The following AEBP2 variants were observed in gnomAD, a reference collection of about 807,000 sequenced individuals.
AEBP2 encodes AE binding protein 2.
A neutral mutation model predicts 50.8 loss-of-function variants in AEBP2; 10 were observed. That is an observed-to-expected ratio of 0.20 (90% CI 0.12 to 0.33). The LOEUF is 0.33. Among genes scored for constraint, AEBP2 ranks in the 10% least tolerant of loss-of-function variants. AEBP2 has a pLI of 1.00. For missense variants in AEBP2, 570 were observed against 688.0 expected, an observed-to-expected ratio of 0.83 and a Z score of 1.92; for synonymous variants, 296 against 261.3, an observed-to-expected ratio of 1.13 and a Z score of -1.28.
chr12:19,427,073 C>G (rs1312663327), intron 1 of AEBP2, among the ~76,000 whole-genome samples: 1 of 152,000 alleles, frequency 6.6e-6, no homozygotes, highest in Non-Finnish European at 1.5e-5. Context: ...ACTGAGGATT[C>G]GATAGAATAA....
chr12:19,421,450 G>A (rs147671839), intron 1 of AEBP2, among the ~76,000 whole-genome samples: 2,043 of 151,616 alleles, frequency 0.013, 37 homozygotes, highest in African/African-American at 0.047. Flanking sequence ...CCTGGAGTTC[G>A]AGACCAGTCT....
chr12:19,507,558 A>G (rs1018947088), intron 5 of AEBP2, among the ~76,000 whole-genome samples: 3 of 152,246 alleles, frequency 2.0e-5, no homozygotes. Context: ...TTGTAAGCTT[A>G]AAAACCTAGG....
chr12:19,457,443 C>T (rs146978218), intron 1 of AEBP2: 23 of 1,521,958 alleles, frequency 1.5e-5, no homozygotes, highest in Middle Eastern at 2.3e-4. Flanking sequence ...GGTGATACCA[C>T]GTTCACGCTC....
At chr12:19,446,145 A>G (rs1479470187) in intron 1 of AEBP2, 1 of 152,306 alleles carries the variant, frequency 6.6e-6, no homozygotes, top group East Asian at 1.9e-4. Context: ...TGCGATGAAT[A>G]GTTTGTATTT....
chr12:19,454,859 G>A (rs920856111), intron 1 of AEBP2, among the ~76,000 whole-genome samples: 1 of 152,172 alleles, frequency 6.6e-6, no homozygotes, highest in Non-Finnish European at 1.5e-5. Context: ...GAAGACTGCC[G>A]ATAAGGCTTG....
At chr12:19,418,188 C>T (rs2095743650) in intron 1 of AEBP2, among the ~76,000 whole-genome samples, 1 of 152,044 alleles carries the variant, frequency 6.6e-6, no homozygotes, top group African/African-American at 2.4e-5. Flanking sequence ...AACCCCTTAT[C>T]GTAACTGAGA....
intron 5 of AEBP2, among the ~76,000 whole-genome samples, chr12:19,510,810 TTTTG>T (rs1220808459): frequency 6.6e-6 from 1 of 151,620 alleles, no homozygotes; most frequent in African/African-American, 2.4e-5. Flanking sequence ...ATGTTACAGT[TTTTG>T]TTCTCAATTT....
rs866847105 is a variant in AEBP2 at position 19,509,827 on chromosome 12, T to C, written c.1300-2571T>C. ...TAGTAACATGGCTACTTTCTTTTTT[T>C]TTTTTTTTTTTTTTTTTTTGAGATG... On this transcript the variant is annotated intron_variant, in intron 5 of 7. Coordinates refer to ENST00000266508, the MANE Select transcript of AEBP2 (RefSeq NM_153207.5). 1.6e-3 allele frequency among the ~76,000 whole-genome samples: 214 copies of C among 134,008 alleles called. 1 individual carries two copies. The highest frequency in any genetic ancestry group is 5.0e-3 in the African/African-American group (171 of 34,452). 87.9% of individuals were successfully genotyped at this position (134,008 alleles called of 152,430 possible). A position where few individuals can be genotyped will look rare whatever the true frequency, so the allele number is the denominator to read the frequency against.
Position 19,501,776 on chromosome 12 carries a change from G to A in AEBP2, c.1299+1555G>A, listed in dbSNP as rs116418222. Among the ~76,000 whole-genome samples, 734 of 136,000 alleles carry A rather than the reference G, an allele frequency of 5.4e-3. 6 individuals carry two copies. Among genetic ancestry groups the A allele is most frequent in the African/African-American group, 0.019 (708 of 37,494 alleles). 89.2% of individuals were successfully genotyped at this position (136,000 alleles called of 152,430 possible). On this transcript the variant is annotated intron_variant, in intron 5 of 7. Transcript: ENST00000266508. ...TTTGGTTTGAACCTCTATTTCCGTC[G>A]TCTCCTATAAAAATGAGTTTGTTTT...
intron 5 of AEBP2, among the ~76,000 whole-genome samples, chr12:19,505,011 G>C (rs868818048): frequency 2.6e-5 from 4 of 152,290 alleles, no homozygotes; most frequent in South Asian, 2.1e-4. Context: ...TTGAGGAAAG[G>C]TGTCCTTATT....
At chr12:19,482,583 AGTT>A (rs1019749972) in intron 3 of AEBP2, among the ~76,000 whole-genome samples, 5 of 152,262 alleles carry the variant, frequency 3.3e-5, no homozygotes, top group African/African-American at 1.2e-4. Flanking sequence ...TTGCAGTAGT[AGTT>A]AAGTAGGGAG....
chr12:19,411,810 A>G (rs574427185), intron 1 of AEBP2, among the ~76,000 whole-genome samples: 4 of 152,358 alleles, frequency 2.6e-5, no homozygotes, highest in Admixed American at 1.3e-4. Flanking sequence ...AACACTTGAC[A>G]TAGATTGACT....
chr12:19,428,541 G>A (rs1373743386), intron 1 of AEBP2, among the ~76,000 whole-genome samples: 3 of 152,234 alleles, frequency 2.0e-5, no homozygotes, highest in Non-Finnish European at 4.4e-5. Flanking sequence ...GCTGGGTGCG[G>A]TGGCTCACGC....
intron 3 of AEBP2, among the ~76,000 whole-genome samples, chr12:19,480,123 C>CA (rs1283000039): frequency 6.6e-6 from 1 of 151,556 alleles, no homozygotes; most frequent in Non-Finnish European, 1.5e-5. Flanking sequence ...TTGTTTTTGT[C>CA]ATGGAGTCTC....
At chr12:19,446,727 G>A (rs1261742043) in intron 1 of AEBP2, among the ~76,000 whole-genome samples, 5 of 67,996 alleles carry the variant, frequency 7.4e-5, no homozygotes, top group South Asian at 4.7e-4. Context: ...GCGAGACTCC[G>A]TTTCCAAAAA....
At chr12:19,473,221 T>C (rs1158466909) in intron 2 of AEBP2, 27 bp from the exon 3 acceptor site, 1 of 1,192,684 alleles carries the variant, frequency 8.4e-7, no homozygotes, top group Non-Finnish European at 1.1e-6. Flanking sequence ...GTCATGAAAA[T>C]TAATATGGTT....
intron 1 of AEBP2, among the ~76,000 whole-genome samples, chr12:19,445,132 G>T (rs1368569338): frequency 1.3e-5 from 2 of 152,088 alleles, no homozygotes; most frequent in East Asian, 3.9e-4. Context: ...TTTGGTACAC[G>T]TTCATTAAGT....
intron 4 of AEBP2, among the ~76,000 whole-genome samples, chr12:19,498,905 A>G (rs1001169659): frequency 3.3e-5 from 5 of 152,102 alleles, no homozygotes; most frequent in Admixed American, 2.6e-4. Context: ...TAGCTACTCA[A>G]GAGGCTGAGA....
chr12:19,440,547 A>T (rs1451092664), intron 1 of AEBP2, 177 bp downstream of exon 1: 10 of 1,378,574 alleles, frequency 7.3e-6, no homozygotes, highest in Non-Finnish European at 9.4e-6. Flanking sequence ...CTCGCAGCGC[A>T]TCGCGGCTTC....
Sources: gnomAD v4.1 joint callset for allele counts (sites outside exome capture counted in the v4.1 genomes callset) on GRCh38, gnomAD v4.1.1 for gene constraint, MANE v1.5 for transcripts, NCBI Gene and HGNC (gene_info 2026-07-23, HGNC 2026-07-21) for gene names.